RIT2: variants seen among roughly 807,000 people sequenced by gnomAD.
The protein encoded by RIT2 is Ras like without CAAX 2, also known as GTP-binding protein Rit2.
In RIT2, 24 loss-of-function variants were observed where a neutral mutation model predicts 23.7. The ratio of observed to expected loss-of-function variants is 1.01; its 90% CI spans 0.73 to 1.43. The LOEUF (loss-of-function observed/expected upper bound fraction) is 1.43, where lower values mean the gene tolerates loss of function less well. Ranked by LOEUF, RIT2 falls within the 40% of genes most tolerant of loss-of-function variation. The pLI, the probability that RIT2 is intolerant of heterozygous loss-of-function variation, is 0.00. For missense variants in RIT2, 236 were observed against 266.9 expected, an observed-to-expected ratio of 0.88 and a Z score of 0.81; for synonymous variants, 107 against 91.1, an observed-to-expected ratio of 1.17 and a Z score of -0.99.
chr18:43,068,482 T>C (rs1428563668), intron 1 of RIT2, among the ~76,000 whole-genome samples: 1 of 152,136 alleles, frequency 6.6e-6, no homozygotes, highest in East Asian at 1.9e-4. Context: ...TTTATCATTT[T>C]ATTGGAAAAT....
At chr18:42,874,613 A>C (rs1360111347) in intron 4 of RIT2, among the ~76,000 whole-genome samples, 2 of 152,104 alleles carry the variant, frequency 1.3e-5, no homozygotes, top group Non-Finnish European at 2.9e-5. Context: ...CCAGCTGTGC[A>C]CTGTGAAACC....
intron 4 of RIT2, among the ~76,000 whole-genome samples, chr18:42,787,244 C>T (rs1225912845): frequency 6.7e-6 from 1 of 148,992 alleles, no homozygotes; most frequent in African/African-American, 2.5e-5. Flanking sequence ...GTTTTTTGTC[C>T]TTGCGATAGT....
chr18:42,873,203 A>G (rs970654472), intron 4 of RIT2, among the ~76,000 whole-genome samples: 1 of 152,190 alleles, frequency 6.6e-6, no homozygotes, highest in African/African-American at 2.4e-5. Flanking sequence ...GATCTCCATT[A>G]TATCCAATTT....
intron 3 of RIT2, among the ~76,000 whole-genome samples, chr18:42,967,003 C>T (rs916088786): frequency 7.2e-5 from 11 of 152,132 alleles, no homozygotes; most frequent in African/African-American, 2.6e-4. Flanking sequence ...TATTGTCATT[C>T]ATTTATATAA....
At chr18:42,939,997 G>A (rs942448334) in intron 3 of RIT2, among the ~76,000 whole-genome samples, 5 of 151,720 alleles carry the variant, frequency 3.3e-5, no homozygotes, top group Admixed American at 6.6e-5. Flanking sequence ...GCCTGATAGG[G>A]TTAAATCATA....
At chr18:42,875,612 A>G (rs1907726027) in intron 4 of RIT2, among the ~76,000 whole-genome samples, 1 of 152,030 alleles carries the variant, frequency 6.6e-6, no homozygotes, top group Non-Finnish European at 1.5e-5. Context: ...GTTTAAAAGC[A>G]TGTTTTAGGA....
At chr18:42,952,743 CTACA>C (rs1280816957) in intron 3 of RIT2, among the ~76,000 whole-genome samples, 1 of 151,800 alleles carries the variant, frequency 6.6e-6, no homozygotes, top group East Asian at 1.9e-4. Context: ...AAAAAATATA[CTACA>C]TACATACACA....
rs549841665 is a variant in RIT2, at chr18:42,794,802, G to T, written c.427-51082C>A. Reference sequence around the variant, plus strand: ...ATGTTATTTATCAAAAGAGGAATGAGAAATCTTTGAGGACTGCCTTGCTAA... The same window carrying T: ...ATGTTATTTATCAAAAGAGGAATGATAAATCTTTGAGGACTGCCTTGCTAA... On this transcript the variant is annotated intron_variant, in intron 4 of 4. Transcript: ENST00000326695. 2.6e-5 allele frequency among the ~76,000 whole-genome samples: 4 copies of T among 152,290 alleles called. No homozygotes were observed. In the East Asian group the frequency reaches 7.7e-4, roughly 29 times the overall value.
At chr18:42,935,936 T>C (rs1055684091) in intron 3 of RIT2, among the ~76,000 whole-genome samples, 1 of 151,888 alleles carries the variant, frequency 6.6e-6, no homozygotes, top group Non-Finnish European at 1.5e-5. Flanking sequence ...TGGCGCCCTA[T>C]GCAGATGAAG....
intron 2 of RIT2, among the ~76,000 whole-genome samples, chr18:43,030,322 G>T (rs539516763): frequency 1.0e-3 from 153 of 152,102 alleles, no homozygotes; most frequent in African/African-American, 3.5e-3. Context: ...AAAGATGTAG[G>T]TGAAAAAATG....
intron 4 of RIT2, among the ~76,000 whole-genome samples, chr18:42,875,427 A>T (rs1267517768): frequency 6.6e-6 from 1 of 150,984 alleles, no homozygotes; most frequent in African/African-American, 2.4e-5. Flanking sequence ...CACTTTACAT[A>T]TTGTAATGTA....
chr18:43,052,865 G>A (rs543435347), intron 1 of RIT2, among the ~76,000 whole-genome samples: 8 of 152,150 alleles, frequency 5.3e-5, no homozygotes, highest in African/African-American at 1.7e-4. Flanking sequence ...GTGGCCAGGA[G>A]TGAGCAGGAG....
intron 1 of RIT2, among the ~76,000 whole-genome samples, chr18:43,046,995 G>T (rs1371518581): frequency 6.6e-6 from 1 of 151,824 alleles, no homozygotes; most frequent in Non-Finnish European, 1.5e-5. Flanking sequence ...CTGATCTAAG[G>T]TAAAACTTCA....
intron 2 of RIT2, among the ~76,000 whole-genome samples, chr18:42,998,938 G>T (rs1911046251): frequency 6.6e-6 from 1 of 152,080 alleles, no homozygotes; most frequent in Non-Finnish European, 1.5e-5. Context: ...GGTTACTGCA[G>T]GGAATTTGTT....
At chr18:42,752,507 A>G (rs191613764) in intron 4 of RIT2, among the ~76,000 whole-genome samples, 265 of 152,258 alleles carry the variant, frequency 1.7e-3, no homozygotes, top group African/African-American at 6.1e-3. Flanking sequence ...CACACATCTA[A>G]TTAAGTAAAA....
chr18:42,760,720 G>T (rs922110482), intron 4 of RIT2, among the ~76,000 whole-genome samples: 1 of 152,196 alleles, frequency 6.6e-6, no homozygotes, highest in Non-Finnish European at 1.5e-5. Flanking sequence ...GGGTTAAAAA[G>T]AGACATGATT....
At chr18:42,885,652 G>T (rs1908003132) in intron 4 of RIT2, among the ~76,000 whole-genome samples, 1 of 152,100 alleles carries the variant, frequency 6.6e-6, no homozygotes, top group African/African-American at 2.4e-5. Context: ...CATTTTCATG[G>T]ATCTTTACTA....
chr18:43,011,989 C>T (rs1449364762), intron 2 of RIT2, among the ~76,000 whole-genome samples: 3 of 151,788 alleles, frequency 2.0e-5, no homozygotes, highest in Non-Finnish European at 2.9e-5. Context: ...AGAGCTTTTT[C>T]GTGTTCCTGA....
chr18:42,758,410 T>C (rs1406144824), intron 4 of RIT2, among the ~76,000 whole-genome samples: 1 of 152,176 alleles, frequency 6.6e-6, no homozygotes, highest in Non-Finnish European at 1.5e-5. Flanking sequence ...ACTGCAATAT[T>C]TGACAACTTG....
Sources: allele counts gnomAD v4.1 joint callset (sites outside exome capture counted in the v4.1 genomes callset), GRCh38; gene constraint gnomAD v4.1.1; transcripts MANE v1.5; gene names NCBI Gene and HGNC (gene_info 2026-07-23, HGNC 2026-07-21).